The following FBXW11 variants were observed in gnomAD, a reference collection of about 807,000 sequenced individuals.
FBXW11 encodes the protein F-box/WD repeat-containing protein 11.
In FBXW11, 19 loss-of-function variants were observed where a neutral mutation model predicts 77.6. That is an observed-to-expected ratio of 0.24 (90% CI 0.17 to 0.36). FBXW11 has a LOEUF of 0.36. Ranked by LOEUF, FBXW11 falls within the 10% of genes least tolerant of loss-of-function variation. FBXW11 has a pLI of 1.00. For synonymous variants in FBXW11, 235 were observed against 249.4 expected, an observed-to-expected ratio of 0.94 and a Z score of 0.54; for missense variants, 334 against 704.2, an observed-to-expected ratio of 0.47 and a Z score of 5.95.
At chr5:171,924,773 A>G (rs901921973) in intron 2 of FBXW11, among the ~76,000 whole-genome samples, 1 of 28,646 alleles carries the variant, frequency 3.5e-5, no homozygotes, top group Non-Finnish European at 7.3e-5. Context: ...CCACCCCCCC[A>G]CCCCCGCTGA....
chr5:171,944,192 C>T (rs1762884116), intron 2 of FBXW11, among the ~76,000 whole-genome samples: 1 of 151,814 alleles, frequency 6.6e-6, no homozygotes, highest in Admixed American at 6.6e-5. Context: ...GTATACAAAG[C>T]ATAGAAAGTA....
At chr5:171,985,677 G>A (rs1239498300) in intron 1 of FBXW11, among the ~76,000 whole-genome samples, 3 of 152,016 alleles carry the variant, frequency 2.0e-5, no homozygotes, top group Non-Finnish European at 4.4e-5. Flanking sequence ...TGAGGTGGGA[G>A]GATGGCTTGA....
At chr5:171,948,234 C>CAAA (rs765248373) in intron 2 of FBXW11, among the ~76,000 whole-genome samples, 6 of 44,326 alleles carry the variant, frequency 1.4e-4, no homozygotes, top group Middle Eastern at 0.011. Context: ...GACTCCAACT[C>CAAA]AAAAAAAAAA....
intron 1 of FBXW11, among the ~76,000 whole-genome samples, chr5:171,969,700 C>T (rs1764415789): frequency 6.6e-6 from 1 of 151,696 alleles, no homozygotes; most frequent in African/African-American, 2.4e-5. Flanking sequence ...TAACTAGCAG[C>T]TTTTTTTGTT....
At chr5:171,908,744 T>C (rs1488178797) in intron 4 of FBXW11, 1 of 152,148 alleles carries the variant, frequency 6.6e-6, no homozygotes, top group Non-Finnish European at 1.5e-5. Flanking sequence ...CAGAAGCTGG[T>C]TTGTCAATTT....
intron 2 of FBXW11, among the ~76,000 whole-genome samples, chr5:171,933,653 G>A (rs954828048): frequency 6.6e-6 from 1 of 152,080 alleles, no homozygotes; most frequent in African/African-American, 2.4e-5. Flanking sequence ...TGCAAGAAAA[G>A]AATTTTTAAT....
At chr5:171,866,900 A>C (rs539625049) in intron 13 of FBXW11, among the ~76,000 whole-genome samples, 1 of 152,224 alleles carries the variant, frequency 6.6e-6, no homozygotes, top group South Asian at 2.1e-4. Flanking sequence ...ATCCAGAAAG[A>C]AAGCAGCAGG....
chr5:171,914,651 G>GA (rs1202973231), intron 2 of FBXW11, among the ~76,000 whole-genome samples: 4 of 152,088 alleles, frequency 2.6e-5, no homozygotes, highest in Admixed American at 1.3e-4. Context: ...GGTGTGCTTA[G>GA]AAAAAAAGGC....
At chr5:171,959,856 A>AG (rs1239824643) in intron 1 of FBXW11, among the ~76,000 whole-genome samples, 2 of 128,134 alleles carry the variant, frequency 1.6e-5, no homozygotes, top group Non-Finnish European at 3.4e-5. Flanking sequence ...TCAAAAAAAA[A>AG]AAAAAGAAAA....
intron 1 of FBXW11, among the ~76,000 whole-genome samples, chr5:171,978,467 G>A (rs1764962658): frequency 2.0e-5 from 3 of 152,208 alleles, no homozygotes; most frequent in Admixed American, 1.3e-4. Flanking sequence ...CACCTGAGAA[G>A]GGGAAGGAAT....
chr5:171,913,129 A>G (rs1021651930), intron 3 of FBXW11, among the ~76,000 whole-genome samples: 3 of 152,176 alleles, frequency 2.0e-5, no homozygotes, highest in Non-Finnish European at 4.4e-5. Context: ...CTTTATTTCT[A>G]TATTTGATTC....
intron 1 of FBXW11, among the ~76,000 whole-genome samples, chr5:171,982,659 C>T (rs1185792477): frequency 6.6e-6 from 1 of 152,176 alleles, no homozygotes; most frequent in Non-Finnish European, 1.5e-5. Flanking sequence ...ATTTAGAAGA[C>T]AGTTTAGCAG....
At chr5:172,003,117 G>A (rs1393841352) in intron 1 of FBXW11, 2 of 152,190 alleles carry the variant, frequency 1.3e-5, no homozygotes. Flanking sequence ...AAAAAGGGAA[G>A]TCATTTAACA....
intron 1 of FBXW11, among the ~76,000 whole-genome samples, chr5:171,961,076 A>T (rs1053977743): frequency 5.3e-5 from 8 of 152,236 alleles, no homozygotes; most frequent in Non-Finnish European, 1.0e-4. Context: ...ATCCTACACA[A>T]TAGACATTAC....
At chr5:171,907,362 T>C (rs1309274849) in intron 4 of FBXW11, among the ~76,000 whole-genome samples, 1 of 152,204 alleles carries the variant, frequency 6.6e-6, no homozygotes, top group Non-Finnish European at 1.5e-5. Context: ...AAACTCAAGA[T>C]GATGTACAGT....
rs2113777807 is a variant in FBXW11, at chr5:171,876,463, C to T, written c.1043G>A (p.Arg348His). The T allele has an allele frequency of 6.2e-7, 1 of 1,614,124 alleles. No individual in the cohort carries two copies. The change falls in exon 9 of 14, where the codon CGC becomes CAC. Residue 348 changes from arginine (R) to histidine (H), a missense_variant. Physicochemically the swap from Arg to His is conservative, Grantham distance 29. Coordinates refer to ENST00000517395, the MANE Select transcript of FBXW11 (RefSeq NM_001378974.1). The surrounding 1 kb of genome is among the most constrained non-coding windows in gnomAD (Gnocchi z 4.2). ...IHHNEAVLHL[R>H]FSNGLMVTCS... The stretch of plus-strand genomic sequence containing the variant: ...GGTCACCATCAGTCCATTGCTGAAG[C>T]GTAAGTGCAATACAGCCTCATTGTG...
intron 2 of FBXW11, among the ~76,000 whole-genome samples, chr5:171,932,954 CAAAAA>C (rs59324690): frequency 8.4e-4 from 42 of 50,252 alleles, no homozygotes; most frequent in African/African-American, 3.0e-3. Flanking sequence ...CTGCCTCTAC[CAAAAA>C]AAAAAAAAAA....
At chr5:171,932,887 A>T (rs1181631035) in intron 2 of FBXW11, among the ~76,000 whole-genome samples, 1 of 150,342 alleles carries the variant, frequency 6.7e-6, no homozygotes, top group Non-Finnish European at 1.5e-5. Context: ...TGGGAGGCCA[A>T]GGCAGGAGAC....
chr5:171,948,617 A>C (rs1581242307), intron 2 of FBXW11, among the ~76,000 whole-genome samples: 1 of 152,186 alleles, frequency 6.6e-6, no homozygotes, highest in Non-Finnish European at 1.5e-5. Context: ...AAACAAAAAA[A>C]GTTATTTTCA....
Sources: allele counts gnomAD v4.1 joint callset (sites outside exome capture counted in the v4.1 genomes callset), GRCh38; gene constraint gnomAD v4.1.1; non-coding constraint Gnocchi (gnomAD v3.1); transcripts MANE v1.5; gene names NCBI Gene and HGNC (gene_info 2026-07-23, HGNC 2026-07-21).